The following PTPRN2 variants were observed in gnomAD, a reference collection of about 807,000 sequenced individuals.
PTPRN2 encodes the protein protein tyrosine phosphatase receptor type N2, also known as receptor-type tyrosine-protein phosphatase N2.
A neutral mutation model predicts 118.8 loss-of-function variants in PTPRN2; 74 were observed. The ratio of observed to expected loss-of-function variants is 0.62; its 90% CI spans 0.52 to 0.76. PTPRN2 has a LOEUF of 0.76. Ranked by LOEUF, PTPRN2 falls within the 30% of genes least tolerant of loss-of-function variation. PTPRN2 has a pLI of 0.00. For missense variants in PTPRN2, 1,481 were observed against 1,394.4 expected (o/e 1.06, Z -0.99); for synonymous variants, 641 against 608.0 (o/e 1.05, Z -0.80).
At position 158,295,219 on chromosome 7, in the gene PTPRN2, C is replaced by A. The variant is rs551860839; in HGVS notation, c.277+21600G>T. On this transcript the variant is annotated intron_variant, in intron 3 of 22. Coordinates refer to ENST00000389418, the MANE Select transcript of PTPRN2 (RefSeq NM_002847.5). ...TTCTGAGGGTCTAAGCCCATGGGGC[C>A]CGCTGACCCTGCCTGTCTGCCCAGA... 1.9e-3 allele frequency among the ~76,000 whole-genome samples: 158 copies of A among 82,060 alleles called. 2 individuals are homozygous for A. The highest frequency in any genetic ancestry group is 7.8e-3 in the African/African-American group (152 of 19,542). 53.8% of individuals were successfully genotyped at this position (82,060 alleles called of 152,430 possible).
intron 12 of PTPRN2, among the ~76,000 whole-genome samples, chr7:157,827,409 A>ACAACAC (rs1563148830): frequency 6.6e-6 from 1 of 150,756 alleles, no homozygotes; most frequent in Non-Finnish European, 1.5e-5. Flanking sequence ...ACAACACAAC[A>ACAACAC]CAGTGTGGGC....
chr7:157,849,933 G>A (rs574354850), intron 12 of PTPRN2, among the ~76,000 whole-genome samples: 7 of 152,332 alleles, frequency 4.6e-5, no homozygotes, highest in South Asian at 2.1e-4. Flanking sequence ...CGTGTGTGCC[G>A]TGTCCTGGGG....
At chr7:158,120,919 G>T (rs1817117138) in intron 9 of PTPRN2, among the ~76,000 whole-genome samples, 1 of 152,212 alleles carries the variant, frequency 6.6e-6, no homozygotes, top group Admixed American at 6.5e-5. Flanking sequence ...AGCCGGCTCA[G>T]CTCCACCCCG....
At chr7:157,762,843 G>A (rs1802222839) in intron 12 of PTPRN2, among the ~76,000 whole-genome samples, 1 of 152,200 alleles carries the variant, frequency 6.6e-6, no homozygotes, top group Non-Finnish European at 1.5e-5. Flanking sequence ...AGGGGTATCA[G>A]GGCCCCCCTT....
At chr7:157,916,428 C>T (rs898984203) in intron 11 of PTPRN2, among the ~76,000 whole-genome samples, 1 of 152,218 alleles carries the variant, frequency 6.6e-6, no homozygotes, top group Non-Finnish European at 1.5e-5. Context: ...GAGGTGGCTC[C>T]TCATGGACTG....
chr7:158,087,855 A>C (rs1486733708), intron 10 of PTPRN2, among the ~76,000 whole-genome samples: 1 of 81,804 alleles, frequency 1.2e-5, no homozygotes, highest in African/African-American at 3.1e-5. Flanking sequence ...TCTTCCCCTG[A>C]TGAAGGAGGG....
chr7:158,107,603 C>T (rs1446430898), intron 10 of PTPRN2, among the ~76,000 whole-genome samples: 1 of 152,132 alleles, frequency 6.6e-6, no homozygotes, highest in Non-Finnish European at 1.5e-5. Flanking sequence ...TGCCTGTTTC[C>T]ATGGGCAGGC....
In PTPRN2 at chr7:158,083,633, A is replaced by G. The variant is rs1374624183; in HGVS notation, c.1644-2256T>C. 2.0e-5 allele frequency among the ~76,000 whole-genome samples: 3 copies of G among 152,216 alleles called. No homozygotes were observed. In the East Asian group the frequency reaches 5.8e-4, roughly 29 times the overall value. On this transcript the variant is annotated intron_variant, in intron 10 of 22. Coordinates refer to ENST00000389418, the MANE Select transcript of PTPRN2 (RefSeq NM_002847.5). Reference sequence around the variant, plus strand: ...CGTGGGGGCCGCAGGAGAGGCCCACACAGCCCGTGTCCTTTCTTGCACGCA... The same window carrying G: ...CGTGGGGGCCGCAGGAGAGGCCCACGCAGCCCGTGTCCTTTCTTGCACGCA...
At chr7:157,798,254 G>A (rs1167791752) in intron 12 of PTPRN2, among the ~76,000 whole-genome samples, 1 of 152,152 alleles carries the variant, frequency 6.6e-6, no homozygotes, top group African/African-American at 2.4e-5. Flanking sequence ...GCGAGACTCA[G>A]TCCTAAAAAA....
chr7:157,724,170 C>T (rs1013783433), intron 12 of PTPRN2, among the ~76,000 whole-genome samples: 1 of 151,632 alleles, frequency 6.6e-6, no homozygotes, highest in African/African-American at 2.4e-5. Context: ...CTGAATTGTG[C>T]TGGTGTGGGT....
chr7:158,270,713 C>T (rs1363970563), intron 3 of PTPRN2, among the ~76,000 whole-genome samples: 1 of 151,912 alleles, frequency 6.6e-6, no homozygotes, highest in African/African-American at 2.4e-5. Flanking sequence ...TACTGGGCTG[C>T]CCCTCTCCCT....
intron 3 of PTPRN2, among the ~76,000 whole-genome samples, chr7:158,281,913 A>G (rs1799454215): frequency 6.6e-6 from 1 of 152,216 alleles, no homozygotes; most frequent in African/African-American, 2.4e-5. Flanking sequence ...GAGGAGCAGG[A>G]TTTACAGGGT....
chr7:157,916,180 C>T (rs1027678168), intron 11 of PTPRN2, among the ~76,000 whole-genome samples: 36 of 152,220 alleles, frequency 2.4e-4, no homozygotes, highest in African/African-American at 7.2e-4. Context: ...TGTGGTGCTG[C>T]GTGTGGACGC....
chr7:157,709,279 C>A (rs1414363280), intron 12 of PTPRN2, among the ~76,000 whole-genome samples: 2 of 152,220 alleles, frequency 1.3e-5, no homozygotes, highest in African/African-American at 2.4e-5. Context: ...CAGCTCTGGA[C>A]AAAAGCTCCT....
chr7:158,401,502 G>A (rs117163867), intron 2 of PTPRN2, among the ~76,000 whole-genome samples: 2,033 of 152,162 alleles, frequency 0.013, 23 homozygotes, highest in Non-Finnish European at 0.02. Context: ...AGGGAGCAGC[G>A]TGGAGGCAGA....
chr7:158,331,732 T>A (rs1196247543), intron 2 of PTPRN2, among the ~76,000 whole-genome samples: 24 of 150,782 alleles, frequency 1.6e-4, no homozygotes, highest in African/African-American at 5.0e-4. Context: ...CCATAAGAGC[T>A]GACACCTGCA....
At position 158,150,765 on chromosome 7, in the gene PTPRN2, G is replaced by C. The variant is rs554295056; in HGVS notation, c.911-12250C>G. Reference sequence around the variant, plus strand: ...TCTTTCCTGGTCTGTGAGACGCTGCGTATCTGCAGCACCGCGACCCAGCAC... The same window carrying C: ...TCTTTCCTGGTCTGTGAGACGCTGCCTATCTGCAGCACCGCGACCCAGCAC... On this transcript the variant is annotated intron_variant, in intron 6 of 22. Transcript: ENST00000389418. Among the ~76,000 whole-genome samples, 35 of 151,900 alleles carry C rather than the reference G, an allele frequency of 2.3e-4. No individual in the cohort carries two copies. The South Asian group carries it at 6.7e-3, about 29-fold the overall frequency.
chr7:157,755,289 C>G (rs973957836), intron 12 of PTPRN2, among the ~76,000 whole-genome samples: 4 of 152,326 alleles, frequency 2.6e-5, no homozygotes, highest in Middle Eastern at 3.4e-3. Context: ...TACCCAGAAA[C>G]CCAGTACTGT....
chr7:157,919,185 C>T (rs1798568958), intron 11 of PTPRN2, among the ~76,000 whole-genome samples: 1 of 151,984 alleles, frequency 6.6e-6, no homozygotes, highest in South Asian at 2.1e-4. Flanking sequence ...GATATTAAGC[C>T]TCAAAAAAGG....
Sources: allele counts gnomAD v4.1 joint callset (sites outside exome capture counted in the v4.1 genomes callset), GRCh38; gene constraint gnomAD v4.1.1; transcripts MANE v1.5; gene names NCBI Gene and HGNC (gene_info 2026-07-23, HGNC 2026-07-21).